NLRP7: variants seen among roughly 807,000 people sequenced by gnomAD.
NLRP7 encodes the protein NACHT, LRR and PYD domains-containing protein 7.
NLRP7 carries 72 observed loss-of-function variants against 85.5 expected under a neutral mutation model. That is an observed-to-expected ratio of 0.84 (90% CI 0.70 to 1.02). The LOEUF (loss-of-function observed/expected upper bound fraction) is 1.02. Among genes scored for constraint, NLRP7 ranks in the 50% least tolerant of loss-of-function variants. The pLI, the probability that NLRP7 is intolerant of heterozygous loss-of-function variation, is 0.00. For synonymous variants in NLRP7, 550 were observed against 505.2 expected, an observed-to-expected ratio of 1.09 and a Z score of -1.19; for missense variants, 1,243 against 1,219.5, an observed-to-expected ratio of 1.02 and a Z score of -0.29.
At position 54,927,899 on chromosome 19, in the gene NLRP7, C is replaced by T. The variant is rs916420928; in HGVS notation, c.2810+2600G>A. 1.3e-5 allele frequency: 11 copies of T among 817,838 alleles called. No homozygotes were observed. The Admixed American group carries it at 2.0e-4, about 15-fold the overall frequency. The allele number at this position is 817,838 out of a possible 1,614,324, so 50.7% of individuals were successfully genotyped here. On this transcript the variant is annotated intron_variant, in intron 9 of 9. Coordinates refer to ENST00000340844, the Ensembl canonical transcript of NLRP7. ...TTGAGGCCAGGTGTTCGAGACCAGCCTTGCCAACACGGTCAAACCCCATCT... is the reference window on the plus strand; with the variant it reads ...TTGAGGCCAGGTGTTCGAGACCAGCTTTGCCAACACGGTCAAACCCCATCT...
intron 8 of NLRP7, among the ~76,000 whole-genome samples, chr19:54,931,952 G>A (rs1378867314): frequency 6.6e-6 from 1 of 152,032 alleles, no homozygotes; most frequent in Non-Finnish European, 1.5e-5. Flanking sequence ...GACAGGATCT[G>A]AGCCCTGGGT....
chr19:54,939,304 G>A (rs1483819822), exon 4 of NLRP7: 7 of 1,613,968 alleles, frequency 4.3e-6, no homozygotes, highest in South Asian at 2.2e-5. Flanking sequence ...TTTCTTCTCC[G>A]GAAAGCAGCT....
chr19:54,932,165 T>C (rs759780084), intron 8 of NLRP7, among the ~76,000 whole-genome samples: 1 of 152,108 alleles, frequency 6.6e-6, no homozygotes, highest in African/African-American at 2.4e-5. Flanking sequence ...CAGTGGCTCA[T>C]GCCTGGAACG....
At chr19:54,960,141 T>C (rs1382877373) in intron 1 of NLRP7, among the ~76,000 whole-genome samples, 1 of 151,954 alleles carries the variant, frequency 6.6e-6, no homozygotes, top group Non-Finnish European at 1.5e-5. Flanking sequence ...TTCTTGTTTT[T>C]TTTGTTTGTT....
At chr19:54,955,783 G>C (rs1221769840) in intron 1 of NLRP7, among the ~76,000 whole-genome samples, 1 of 152,024 alleles carries the variant, frequency 6.6e-6, no homozygotes, top group Non-Finnish European at 1.5e-5. Flanking sequence ...CAAGACTGAG[G>C]TTGCAGTGAG....
chr19:54,953,991 A>G (rs1282271506), intron 1 of NLRP7, among the ~76,000 whole-genome samples: 1 of 151,396 alleles, frequency 6.6e-6, no homozygotes, highest in Non-Finnish European at 1.5e-5. Context: ...TGGGTGACAG[A>G]GCGAGACTCC....
At chr19:54,927,414 T>C (rs1414200029) in intron 9 of NLRP7, among the ~76,000 whole-genome samples, 191 bp downstream of exon 10, 1 of 148,880 alleles carries the variant, frequency 6.7e-6, no homozygotes, top group Non-Finnish European at 1.5e-5. Flanking sequence ...AAAAATTAGC[T>C]GGACATGTTG....
intron 9 of NLRP7, among the ~76,000 whole-genome samples, chr19:54,925,984 A>G (rs2068417575): frequency 6.6e-6 from 1 of 151,706 alleles, no homozygotes; most frequent in Non-Finnish European, 1.5e-5. Flanking sequence ...TGGGCGACAG[A>G]GACTGGAGTC....
intron 9 of NLRP7, among the ~76,000 whole-genome samples, chr19:54,928,591 G>A (rs894456372): frequency 6.6e-6 from 1 of 152,124 alleles, no homozygotes; most frequent in Admixed American, 6.6e-5. Context: ...GAGAGGCATT[G>A]ATTGGCTAGA....
chr19:54,949,550 G>C (rs2069604826), upstream of NLRP7, among the ~76,000 whole-genome samples: 1 of 152,120 alleles, frequency 6.6e-6, no homozygotes, highest in Non-Finnish European at 1.5e-5. Flanking sequence ...GGTATCTCTT[G>C]TTATACATAC....
chr19:54,945,677 C>A (rs550475976), intron 1 of NLRP7, among the ~76,000 whole-genome samples: 3 of 152,212 alleles, frequency 2.0e-5, no homozygotes, highest in South Asian at 4.1e-4. Flanking sequence ...CGACTCACTG[C>A]AACCTCCACC....
At chr19:54,930,862 C>G (rs965994549) in intron 8 of NLRP7, among the ~76,000 whole-genome samples, 196 bp from the exon 9 acceptor site, 9 of 151,870 alleles carry the variant, frequency 5.9e-5, no homozygotes, top group Non-Finnish European at 5.9e-5. Context: ...ATTATAGGTG[C>G]CCGCCACCTA....
At chr19:54,951,554 A>G (rs1272171178), upstream of NLRP7, among the ~76,000 whole-genome samples, 5 of 151,990 alleles carry the variant, frequency 3.3e-5, no homozygotes, top group African/African-American at 1.2e-4. Flanking sequence ...TCCATCTCAA[A>G]AAACAAAAAA....
Position 54,941,728 on chromosome 19 carries a change from G to T in NLRP7, c.-17C>A, listed in dbSNP as rs1198517687. On this transcript the variant is annotated 5_prime_UTR_variant, in exon 2 of 10. Transcript: ENST00000340844. ...CGATGTCATAGTGCTCCGAGTATGA[G>T]ACCTTAGGTTAAGGCTGAAGAACTG... is the stretch of plus-strand genomic sequence containing the variant. 6.2e-6 allele frequency: 10 copies of T among 1,609,314 alleles called. No homozygotes were observed. The East Asian group carries it at 2.0e-4, about 32-fold the overall frequency.
At position 54,934,378 on chromosome 19, in the gene NLRP7, T is replaced by C. The variant is rs1342952563; in HGVS notation, c.2471+111A>G. ...CACCGTGCCGGGCCTGAAGCAGGTG[T>C]TTATTTCAGCAAGAGGCGCCACGTG... On this transcript the variant is annotated intron_variant, in intron 7 of 9. Coordinates refer to ENST00000340844, the Ensembl canonical transcript of NLRP7. The surrounding 1 kb of genome is among the most constrained non-coding windows in gnomAD (Gnocchi z 6.7). 1 of 1,078,294 alleles carries C rather than the reference T, an allele frequency of 9.3e-7. No homozygotes were observed. Among genetic ancestry groups the C allele is most frequent in the Non-Finnish European group, 1.4e-6 (1 of 691,670 alleles). 66.8% of individuals were successfully genotyped at this position (1,078,294 alleles called of 1,614,324 possible). A position where few individuals can be genotyped will look rare whatever the true frequency, so the allele number is the denominator to read the frequency against.
intron 1 of NLRP7, among the ~76,000 whole-genome samples, chr19:54,942,255 C>CA (rs576434793): frequency 0.34 from 20,416 of 59,252 alleles, 5,432 homozygotes; most frequent in East Asian, 0.61. Flanking sequence ...GACTCCGTCT[C>CA]AAAAAAAAAA....
chr19:54,954,673 C>G (rs2069794895), intron 1 of NLRP7, among the ~76,000 whole-genome samples: 1 of 151,674 alleles, frequency 6.6e-6, no homozygotes, highest in Non-Finnish European at 1.5e-5. Flanking sequence ...GGTGAAACCC[C>G]ATCTCTTACT....
intron 1 of NLRP7, among the ~76,000 whole-genome samples, chr19:54,961,373 G>C (rs1201255350): frequency 6.6e-6 from 1 of 151,984 alleles, no homozygotes; most frequent in African/African-American, 2.4e-5. Context: ...AGCTTGGTAT[G>C]GTGGCGGGAG....
At position 54,934,591 on chromosome 19, in the gene NLRP7, G is replaced by A; in HGVS notation, c.2369C>T (p.Ser790Phe). The A allele has an allele frequency of 6.2e-7, 1 of 1,614,068 alleles. No homozygotes were observed. The highest frequency in any genetic ancestry group is 8.5e-7 in the Non-Finnish European group (1 of 1,179,938). The change falls in exon 7 of 10, where the codon TCC (serine) becomes TTC (phenylalanine). Residue 790 changes from serine (S) to phenylalanine (F), a missense_variant. Coordinates refer to ENST00000340844, the Ensembl canonical transcript of NLRP7. This position sits in a 1 kb window ranked among gnomAD's most constrained non-coding sequence, Gnocchi z 6.7. ...GGCTGAGAGACGCAGGTGCTTCAGG[G>A]ACTGGTTGGCTTTGAGGACATAGAA... is the stretch of plus-strand genomic sequence containing the variant.
Sources: gnomAD v4.1 joint callset for allele counts (sites outside exome capture counted in the v4.1 genomes callset) on GRCh38, gnomAD v4.1.1 for gene constraint, Gnocchi (gnomAD v3.1) non-coding constraint, MANE v1.5 for transcripts, NCBI Gene and HGNC (gene_info 2026-07-23, HGNC 2026-07-21) for gene names.